The following SUCO variants were observed in gnomAD, a reference collection of about 807,000 sequenced individuals.
The protein encoded by SUCO is SUN domain containing ossification factor, also known as SUN domain-containing ossification factor.
A neutral mutation model predicts 148.1 loss-of-function variants in SUCO; 57 were observed. The observed-to-expected ratio is 0.38, with a 90% confidence interval of 0.31 to 0.48. The LOEUF (loss-of-function observed/expected upper bound fraction) is 0.48. Ranked by LOEUF, SUCO falls within the 20% of genes least tolerant of loss-of-function variation. The pLI is 0.96. For missense variants in SUCO, 1,331 were observed against 1,468.2 expected (o/e 0.91, Z 1.53); for synonymous variants, 470 against 502.7 (o/e 0.93, Z 0.87).
chr1:172,541,314 T>C (rs532340010), intron 1 of SUCO, among the ~76,000 whole-genome samples: 73 of 152,310 alleles, frequency 4.8e-4, no homozygotes, highest in Non-Finnish European at 8.7e-4. Flanking sequence ...AAATCATCTC[T>C]AGATATTTTA....
intron 6 of SUCO, among the ~76,000 whole-genome samples, chr1:172,567,222 T>C (rs1289240777): frequency 6.6e-6 from 1 of 152,250 alleles, no homozygotes; most frequent in African/African-American, 2.4e-5. Context: ...TAAATGAGAC[T>C]TATATTGTTT....
chr1:172,532,836 G>A, upstream of SUCO: 1 of 1,548,900 alleles, frequency 6.5e-7, no homozygotes, highest in Non-Finnish European at 8.7e-7. Flanking sequence ...GGATCACTGG[G>A]CTCCTCCCGG....
At chr1:172,543,583 G>C (rs1393782982) in intron 1 of SUCO, among the ~76,000 whole-genome samples, 1 of 152,132 alleles carries the variant, frequency 6.6e-6, no homozygotes, top group East Asian at 1.9e-4. Context: ...TTATGGGCCA[G>C]TTTAGTGAAA....
At chr1:172,545,772 A>C (rs1356046759) in intron 1 of SUCO, among the ~76,000 whole-genome samples, 1 of 152,236 alleles carries the variant, frequency 6.6e-6, no homozygotes, top group Non-Finnish European at 1.5e-5. Flanking sequence ...ATTTCAGCAC[A>C]TATTCTGTGC....
In SUCO at chr1:172,556,641, G is replaced by T. The variant is rs571656504; in HGVS notation, c.443+618G>T. 3 of 984,844 alleles carry T rather than the reference G, an allele frequency of 3.0e-6. No individual in the cohort carries two copies. The East Asian group carries it at 3.4e-4, about 112-fold the overall frequency. 61.0% of individuals were successfully genotyped at this position (984,844 alleles called of 1,614,324 possible). ...AATAACTGGTACATAACTCAAGAAT[G>T]TAAGGGCCTGGGTTGAAGGAGTTGC... On this transcript the variant is annotated intron_variant, in intron 4 of 23. Transcript: ENST00000263688.
chr1:172,577,436 CTATACTT>C, intron 11 of SUCO, 96 bp from the exon 12 acceptor site: 1 of 1,113,132 alleles, frequency 9.0e-7, no homozygotes. Context: ...ACATTACTCT[CTATACTT>C]TATACAACAT....
At chr1:172,546,689 A>T (rs967853592) in intron 1 of SUCO, among the ~76,000 whole-genome samples, 3 of 152,184 alleles carry the variant, frequency 2.0e-5, no homozygotes, top group African/African-American at 7.2e-5. Flanking sequence ...CGGGTGGATC[A>T]CTTGACCCCA....
rs142398617 is a variant in SUCO, at chr1:172,549,006, G to C, written c.63-2506G>C. On this transcript the variant is annotated intron_variant, in intron 1 of 23. Coordinates refer to ENST00000263688, the MANE Select transcript of SUCO (RefSeq NM_014283.5). ...TGTAGTATATTTTCTACATTGTTAGGTGCATATATATTTGTAATTCTTTCT... is the reference window on the plus strand; with the variant it reads ...TGTAGTATATTTTCTACATTGTTAGCTGCATATATATTTGTAATTCTTTCT... Among the ~76,000 whole-genome samples the C allele has an allele frequency of 8.3e-3, 1,262 of 151,884 alleles. 20 individuals are homozygous for C. The highest frequency in any genetic ancestry group is 0.029 in the African/African-American group (1,201 of 41,464).
At position 172,576,758 on chromosome 1, in the gene SUCO, T is replaced by C. The variant is rs547777797; in HGVS notation, c.1264-781T>C. 15 of 288,034 alleles carry C rather than the reference T, an allele frequency of 5.2e-5. No individual in the cohort carries two copies. In the East Asian group the frequency reaches 6.9e-4, roughly 13 times the overall value. 17.8% of individuals were successfully genotyped at this position (288,034 alleles called of 1,614,324 possible). A position where few individuals can be genotyped will look rare whatever the true frequency, so the allele number is the denominator to read the frequency against. Reference sequence around the variant, plus strand: ...GGGAGATTATACAGCATTTTAAATATTAGTTTTATAAAAAACCTTCTTTGG... The same window carrying C: ...GGGAGATTATACAGCATTTTAAATACTAGTTTTATAAAAAACCTTCTTTGG... On this transcript the variant is annotated intron_variant, in intron 11 of 23. Coordinates refer to ENST00000263688, the MANE Select transcript of SUCO (RefSeq NM_014283.5).
intron 1 of SUCO, among the ~76,000 whole-genome samples, chr1:172,540,760 T>G (rs1652390159): frequency 6.6e-6 from 1 of 152,188 alleles, no homozygotes; most frequent in African/African-American, 2.4e-5. Flanking sequence ...TGCATGTGTA[T>G]GTCTGTCTGC....
intron 1 of SUCO, among the ~76,000 whole-genome samples, chr1:172,539,144 GAATC>G (rs1023725847): frequency 1.3e-4 from 20 of 152,224 alleles, no homozygotes; most frequent in Admixed American, 2.6e-4. Flanking sequence ...ATGGAGAAAA[GAATC>G]AATATGTATA....
At chr1:172,567,167 T>G (rs1654613567) in intron 6 of SUCO, among the ~76,000 whole-genome samples, 2 of 152,246 alleles carry the variant, frequency 1.3e-5, no homozygotes, top group African/African-American at 4.8e-5. Flanking sequence ...TATGGATATT[T>G]CATGTTAGTG....
At chr1:172,559,582 A>G (rs1163046642) in intron 6 of SUCO, among the ~76,000 whole-genome samples, 2 of 152,186 alleles carry the variant, frequency 1.3e-5, no homozygotes, top group Non-Finnish European at 2.9e-5. Flanking sequence ...TTTGTGGAGT[A>G]GGGCTACCCC....
intron 1 of SUCO, among the ~76,000 whole-genome samples, chr1:172,545,821 C>T (rs1389723228): frequency 6.6e-6 from 1 of 152,124 alleles, no homozygotes; most frequent in Non-Finnish European, 1.5e-5. Context: ...TCAGTTCCTC[C>T]TAATAAGTCA....
intron 19 of SUCO, among the ~76,000 whole-genome samples, chr1:172,599,089 G>A (rs1190005968): frequency 2.6e-5 from 4 of 152,102 alleles, no homozygotes; most frequent in African/African-American, 9.7e-5. Context: ...TCCTGCCCTC[G>A]TTTCCTCCTC....
At chr1:172,579,081 A>G (rs1307158892) in intron 14 of SUCO, 121 bp from the exon 15 acceptor site, 2 of 621,802 alleles carry the variant, frequency 3.2e-6, no homozygotes, top group Non-Finnish European at 2.9e-6. Context: ...TATATGATTC[A>G]TATTTATCAT....
chr1:172,569,560 T>TTA, intron 7 of SUCO: 2 of 960,594 alleles, frequency 2.1e-6, no homozygotes, highest in Non-Finnish European at 2.5e-6. Flanking sequence ...AGCTTGCTTA[T>TTA]GTTATGAGGC....
rs757154757 is a variant in SUCO, at chr1:172,573,933, T to C, written c.1092T>C (p.Leu364=). Residue 364 remains leucine, a synonymous_variant, in exon 10 of 24, where the codon CTT becomes CTC. Transcript: ENST00000263688. ...ELCEPIQVKQ[L]DIANYELFSS... is the part of the protein sequence containing the mutation. ...GTGAACCAATTCAAGTAAAACAGCT[T>C]GATATTGCAAATTATGAATTATTTT... The C allele has an allele frequency of 6.2e-7, 1 of 1,602,380 alleles. No homozygotes were observed.
intron 11 of SUCO, chr1:172,576,869 A>G (rs1311694560): frequency 2.5e-6 from 2 of 809,208 alleles, no homozygotes; most frequent in Admixed American, 6.2e-5. Context: ...ATTTTATGGT[A>G]ATAATGTTAT....
Sources: allele counts gnomAD v4.1 joint callset (sites outside exome capture counted in the v4.1 genomes callset), GRCh38; gene constraint gnomAD v4.1.1; transcripts MANE v1.5; gene names NCBI Gene and HGNC (gene_info 2026-07-23, HGNC 2026-07-21).